The following CDH7 variants were observed in gnomAD, a reference collection of about 807,000 sequenced individuals.
The protein encoded by CDH7 is cadherin 7.
CDH7 carries 25 observed loss-of-function variants against 71.8 expected under a neutral mutation model. The ratio of observed to expected loss-of-function variants is 0.35; its 90% CI spans 0.25 to 0.49. The LOEUF (loss-of-function observed/expected upper bound fraction) is 0.49, where lower values mean the gene tolerates loss of function less well. Ranked by LOEUF, CDH7 falls within the 20% of genes least tolerant of loss-of-function variation. The pLI is 0.99. For synonymous variants in CDH7, 381 were observed against 363.8 expected, an observed-to-expected ratio of 1.05 and a Z score of -0.54; for missense variants, 862 against 974.6, an observed-to-expected ratio of 0.88 and a Z score of 1.54.
At chr18:65,841,159 G>A (rs1912718804) in intron 6 of CDH7, among the ~76,000 whole-genome samples, 1 of 151,622 alleles carries the variant, frequency 6.6e-6, no homozygotes, top group African/African-American at 2.4e-5. Flanking sequence ...TTCTTTTATT[G>A]CTTTATTTTC....
In CDH7 at chr18:65,759,801, C is replaced by CTG. The variant is rs764789310; in HGVS notation, c.-196-2841_-196-2840dup. On this transcript the variant is annotated intron_variant, in intron 1 of 11. Transcript: ENST00000397968. ...CCTGTGCTCTTATCCCTAGTCCAGA[C>CTG]TGTGTGCTTCGTTCCTCATCAGTAA... is the stretch of plus-strand genomic sequence containing the variant. 1.2e-4 allele frequency among the ~76,000 whole-genome samples: 18 copies of CTG among 152,294 alleles called. No individual in the cohort carries two copies. The Middle Eastern group carries it at 0.014, about 115-fold the overall frequency.
intron 6 of CDH7, among the ~76,000 whole-genome samples, chr18:65,839,539 C>T (rs1488243808): frequency 6.6e-6 from 1 of 151,918 alleles, no homozygotes; most frequent in Non-Finnish European, 1.5e-5. Flanking sequence ...GGTTGGGGGG[C>T]GGACACAAAT....
intron 7 of CDH7, among the ~76,000 whole-genome samples, chr18:65,845,009 G>A (rs1912886757): frequency 6.6e-6 from 1 of 151,930 alleles, no homozygotes. Flanking sequence ...ACAATGGTAA[G>A]TGCTTTTGAA....
intron 2 of CDH7, among the ~76,000 whole-genome samples, chr18:65,783,557 T>A (rs1204955305): frequency 6.6e-6 from 1 of 152,202 alleles, no homozygotes; most frequent in Non-Finnish European, 1.5e-5. Context: ...GTCAGGTATT[T>A]GCACTAACCC....
At chr18:65,785,667 T>C (rs1190610966) in intron 2 of CDH7, among the ~76,000 whole-genome samples, 1 of 152,054 alleles carries the variant, frequency 6.6e-6, no homozygotes, top group Non-Finnish European at 1.5e-5. Context: ...AAACTTAATA[T>C]ATAATATTTT....
chr18:65,780,909 TCTA>T (rs1568180769), intron 2 of CDH7, among the ~76,000 whole-genome samples: 3 of 145,148 alleles, frequency 2.1e-5, no homozygotes, highest in African/African-American at 8.0e-5. Flanking sequence ...TTTGCCTCTC[TCTA>T]TTCCTGTTTT....
chr18:65,789,497 A>G (rs8092156), intron 2 of CDH7, among the ~76,000 whole-genome samples: 66,286 of 150,876 alleles, frequency 0.44, 17,297 homozygotes, highest in African/African-American at 0.74. Flanking sequence ...TTGTTTTTTG[A>G]TAAGTTTGAG....
Position 65,852,601 on chromosome 18 carries a change from C to T in CDH7, c.1236-5215C>T, listed in dbSNP as rs565401216. ...GGTAAATTAACAGCTATCACTCATG[C>T]TTTAAGGAGTTTTTCAATTAGACTA... On this transcript the variant is annotated intron_variant, in intron 7 of 11. Transcript: ENST00000397968. Among the ~76,000 whole-genome samples, 3 of 152,098 alleles carry T rather than the reference C, an allele frequency of 2.0e-5. No homozygotes were observed. In the East Asian group the frequency reaches 5.8e-4, roughly 29 times the overall value.
At chr18:65,757,508 A>G (rs1469508155) in intron 1 of CDH7, among the ~76,000 whole-genome samples, 2 of 152,138 alleles carry the variant, frequency 1.3e-5, no homozygotes, top group African/African-American at 4.8e-5. Context: ...TCAGTTTGTA[A>G]AACATGGAAA....
chr18:65,885,829 G>C lies in CDH7; in HGVS notation c.*4935G>C, dbSNP rs1340941411. The C allele has an allele frequency of 6.6e-6, 1 of 152,138 alleles. No homozygotes were observed. The highest frequency in any genetic ancestry group is 2.4e-5 in the African/African-American group (1 of 41,428). 9.4% of individuals were successfully genotyped at this position (152,138 alleles called of 1,614,324 possible). A position where few individuals can be genotyped will look rare whatever the true frequency, so the allele number is the denominator to read the frequency against. On this transcript the variant is annotated 3_prime_UTR_variant, in exon 12 of 12. Transcript: ENST00000397968. ...TAGAAAATATGGTACCGAATGAAAGGAGAAATATCTTATTTGCTGTAACAA... is the reference window on the plus strand; with the variant it reads ...TAGAAAATATGGTACCGAATGAAAGCAGAAATATCTTATTTGCTGTAACAA...
At chr18:65,767,101 T>C (rs1220217995) in intron 2 of CDH7, among the ~76,000 whole-genome samples, 1 of 150,870 alleles carries the variant, frequency 6.6e-6, no homozygotes, top group Admixed American at 6.6e-5. Context: ...TTCTTTTTTT[T>C]TTTTTTGGCT....
chr18:65,817,313 G>A (rs182592923), intron 4 of CDH7, among the ~76,000 whole-genome samples: 16 of 152,064 alleles, frequency 1.1e-4, no homozygotes, highest in Middle Eastern at 3.4e-3. Flanking sequence ...CTTCCTACAC[G>A]CCCGGTTCTC....
intron 6 of CDH7, among the ~76,000 whole-genome samples, chr18:65,827,836 GGGTGTT>G (rs1396612150): frequency 6.6e-6 from 1 of 151,804 alleles, no homozygotes; most frequent in Non-Finnish European, 1.5e-5. Context: ...TAGGATGCAT[GGGTGTT>G]AAGACGAGAT....
At chr18:65,800,011 T>C (rs945298155) in intron 2 of CDH7, among the ~76,000 whole-genome samples, 4 of 152,216 alleles carry the variant, frequency 2.6e-5, no homozygotes, top group Admixed American at 2.0e-4. Context: ...AGTTCCCTTT[T>C]GAGTAAAATA....
rs376453732 is a variant in CDH7, at chr18:65,857,820, T to A, written c.1240T>A (p.Ser414Thr). Residue 414 changes from serine to threonine, a missense_variant, in exon 8 of 12, where the codon TCA becomes ACA. Transcript: ENST00000397968. ...TTTTCTTCAATGTTCAATTAGGTACTCAATTGACAGAAACACAGACTTGGA... is the reference window on the plus strand; with the variant it reads ...TTTTCTTCAATGTTCAATTAGGTACACAATTGACAGAAACACAGACTTGGA... ...PDSSNSPVRY[S>T]IDRNTDLERY... 12 of 1,612,230 alleles carry A rather than the reference T, an allele frequency of 7.4e-6. No homozygotes were observed. Among genetic ancestry groups the A allele is most frequent in the Non-Finnish European group, 1.0e-5 (12 of 1,179,012 alleles).
In CDH7 at chr18:65,778,529, C is replaced by CTTTTTTTTTTTTTTTTTTTTTTTTTTTTT. The variant is rs1156727313; in HGVS notation, c.210+15497_210+15498insTTTTTTTTTTTTTTTTTTTTTTTTTTTTT. Among the ~76,000 whole-genome samples, 9 of 84,320 alleles carry CTTTTTTTTTTTTTTTTTTTTTTTTTTTTT rather than the reference C, an allele frequency of 1.1e-4. 1 individual carries two copies. The highest frequency in any genetic ancestry group is 1.3e-4 in the African/African-American group (3 of 22,624). The allele number at this position is 84,320 out of a possible 152,430, so 55.3% of individuals were successfully genotyped here. On this transcript the variant is annotated intron_variant, in intron 2 of 11. Transcript: ENST00000397968. ...AATTTTTTGCCCCAGGCGTCTCACTCTTTTTTTTTTTTTTTTTTTTACATA... is the reference window on the plus strand; with the variant it reads ...AATTTTTTGCCCCAGGCGTCTCACTCTTTTTTTTTTTTTTTTTTTTTTTTTTTTTTTTTTTTTTTTTTTTTTTTTACATA...
At chr18:65,849,934 T>C (rs959317126) in intron 7 of CDH7, among the ~76,000 whole-genome samples, 1 of 151,668 alleles carries the variant, frequency 6.6e-6, no homozygotes, top group African/African-American at 2.4e-5. Context: ...GAGGCCGAGA[T>C]GGGTGGATCA....
At chr18:65,820,404 A>G (rs1272087111) in intron 4 of CDH7, among the ~76,000 whole-genome samples, 2 of 152,062 alleles carry the variant, frequency 1.3e-5, no homozygotes, top group South Asian at 2.1e-4. Flanking sequence ...GATATTAACA[A>G]TTTTCTCTGT....
intron 1 of CDH7, among the ~76,000 whole-genome samples, chr18:65,754,173 CTT>C (rs1461485784): frequency 6.6e-6 from 1 of 152,130 alleles, no homozygotes; most frequent in Non-Finnish European, 1.5e-5. Flanking sequence ...ATTATAAACT[CTT>C]GTTTCCCCTT....
Sources: gnomAD v4.1 joint callset for allele counts (sites outside exome capture counted in the v4.1 genomes callset) on GRCh38, gnomAD v4.1.1 for gene constraint, MANE v1.5 for transcripts, NCBI Gene and HGNC (gene_info 2026-07-23, HGNC 2026-07-21) for gene names.